RAPGEF6: variants seen among roughly 807,000 people sequenced by gnomAD.
RAPGEF6 encodes the protein PDZ domain containing guanine nucleotide exchange factor (GEF) 2.
Under a neutral mutation model 171.4 loss-of-function variants are expected in RAPGEF6, and 56 were observed. The ratio of observed to expected loss-of-function variants is 0.33; its 90% CI spans 0.26 to 0.41. The LOEUF (loss-of-function observed/expected upper bound fraction) is 0.41. Among genes scored for constraint, RAPGEF6 ranks in the 10% least tolerant of loss-of-function variants. The probability of loss-of-function intolerance (pLI) is 1.00; values close to 1 mark genes in which losing one functional copy is unlikely to be tolerated. For synonymous variants in RAPGEF6, 692 were observed against 650.1 expected, an observed-to-expected ratio of 1.06 and a Z score of -0.98; for missense variants, 1,674 against 1,921.4, an observed-to-expected ratio of 0.87 and a Z score of 2.41.
chr5:131,635,178 G>A lies in RAPGEF6; in HGVS notation c.-148C>T. 1.3e-6 allele frequency: 1 copy of A among 796,780 alleles called. No individual in the cohort carries two copies. The highest frequency in any genetic ancestry group is 1.9e-6 in the Non-Finnish European group (1 of 522,010). 49.4% of individuals were successfully genotyped at this position (796,780 alleles called of 1,614,324 possible). A position where few individuals can be genotyped will look rare whatever the true frequency, so the allele number is the denominator to read the frequency against. On this transcript the variant is annotated 5_prime_UTR_variant, in exon 1 of 28. Coordinates refer to ENST00000509018, the MANE Select transcript of RAPGEF6 (RefSeq NM_016340.6). Reference sequence around the variant, plus strand: ...TCCGAACTCTAGCAAACAACCCTTCGCAACGCCCGCCTAAGGCCTCTACCC... The same window carrying A: ...TCCGAACTCTAGCAAACAACCCTTCACAACGCCCGCCTAAGGCCTCTACCC...
chr5:131,453,194 A>G lies in RAPGEF6; in HGVS notation c.3077-17T>C. The stretch of plus-strand genomic sequence containing the variant: ...AGTCATTTCCTATAGAATGAAAATA[A>G]ATGTTTAAGTTCAAAATTAAATTAT... On this transcript the variant is annotated splice_polypyrimidine_tract_variant and intron_variant, in intron 20 of 27. Transcript: ENST00000509018. 2 of 1,582,480 alleles carry G rather than the reference A, an allele frequency of 1.3e-6. No individual in the cohort carries two copies. Among genetic ancestry groups the G allele is most frequent in the Non-Finnish European group, 1.7e-6 (2 of 1,160,976 alleles).
chr5:131,529,429 T>C (rs572662609), intron 6 of RAPGEF6, among the ~76,000 whole-genome samples: 2 of 151,390 alleles, frequency 1.3e-5, no homozygotes, highest in Admixed American at 6.6e-5. Flanking sequence ...TGAGCGGAGA[T>C]TGCACCACTG....
chr5:131,579,047 G>A (rs1271040944), intron 4 of RAPGEF6, among the ~76,000 whole-genome samples: 5 of 152,144 alleles, frequency 3.3e-5, no homozygotes, highest in East Asian at 3.8e-4. Context: ...TCTGATGTTC[G>A]GACGTGTTTG....
At chr5:131,453,640 C>T (rs1434826386) in intron 20 of RAPGEF6, among the ~76,000 whole-genome samples, 1 of 152,114 alleles carries the variant, frequency 6.6e-6, no homozygotes, top group African/African-American at 2.4e-5. Flanking sequence ...AAACAAAGGG[C>T]AACCTGTTTA....
At chr5:131,448,030 A>G (rs1331664628) in intron 21 of RAPGEF6, among the ~76,000 whole-genome samples, 1 of 152,200 alleles carries the variant, frequency 6.6e-6, no homozygotes, top group Admixed American at 6.5e-5. Context: ...AAGTTCAAGA[A>G]CATTCCCAAA....
chr5:131,511,509 G>C (rs568503879), intron 7 of RAPGEF6, among the ~76,000 whole-genome samples: 15 of 113,132 alleles, frequency 1.3e-4, no homozygotes, highest in African/African-American at 4.9e-4. Flanking sequence ...TTTTTTTTGA[G>C]ACAGGTTCTC....
intron 4 of RAPGEF6, among the ~76,000 whole-genome samples, chr5:131,587,487 T>G (rs1290933365): frequency 6.6e-6 from 1 of 152,206 alleles, no homozygotes; most frequent in African/African-American, 2.4e-5. Flanking sequence ...GGGTAGTGAT[T>G]AGACAAACAT....
intron 4 of RAPGEF6, among the ~76,000 whole-genome samples, chr5:131,590,334 T>C (rs1307656978): frequency 6.6e-6 from 1 of 152,160 alleles, no homozygotes; most frequent in Non-Finnish European, 1.5e-5. Context: ...AAGGCGCAGG[T>C]TGCAGTGAGC....
At position 131,635,061 on chromosome 5, in the gene RAPGEF6, C is replaced by T. The variant is rs769069806; in HGVS notation, c.-31G>A. On this transcript the variant is annotated 5_prime_UTR_variant, in exon 1 of 28. Coordinates refer to ENST00000509018, the MANE Select transcript of RAPGEF6 (RefSeq NM_016340.6). ...CGGCCCGGGTACTCCGCAGCCTGCC[C>T]TTAGCAGCCCACGCCACAGTTCATT... 3 of 1,584,272 alleles carry T rather than the reference C, an allele frequency of 1.9e-6. No homozygotes were observed. The highest frequency in any genetic ancestry group is 8.6e-7 in the Non-Finnish European group (1 of 1,161,046).
chr5:131,455,688 T>C (rs1004338383), intron 20 of RAPGEF6, 113 bp downstream of exon 20: 4 of 835,156 alleles, frequency 4.8e-6, no homozygotes, highest in African/African-American at 1.7e-5. Context: ...AATGGTAAAA[T>C]AGTGTATAGT....
intron 14 of RAPGEF6, among the ~76,000 whole-genome samples, chr5:131,491,757 G>A (rs533357358): frequency 6.6e-6 from 1 of 152,268 alleles, no homozygotes; most frequent in Admixed American, 6.5e-5. Context: ...ATGACCTGAG[G>A]TGGATCAGTT....
chr5:131,452,133 T>C (rs1339696320), intron 21 of RAPGEF6, among the ~76,000 whole-genome samples: 1 of 150,816 alleles, frequency 6.6e-6, no homozygotes, highest in Non-Finnish European at 1.5e-5. Context: ...GGCAGGAGAA[T>C]GGCGTGAACC....
At chr5:131,479,859 T>C (rs1755351358) in intron 15 of RAPGEF6, 106 bp from the exon 16 acceptor site, 2 of 1,187,204 alleles carry the variant, frequency 1.7e-6, no homozygotes, top group African/African-American at 1.5e-5. Context: ...TTATTTGAAC[T>C]TTCTCAGTCT....
intron 7 of RAPGEF6, among the ~76,000 whole-genome samples, chr5:131,512,566 T>A (rs768328460): frequency 1.3e-5 from 2 of 152,144 alleles, no homozygotes; most frequent in Non-Finnish European, 2.9e-5. Context: ...TAAGACCATG[T>A]CTTATACTTC....
intron 1 of RAPGEF6, among the ~76,000 whole-genome samples, chr5:131,616,296 G>A (rs1389905386): frequency 2.6e-5 from 4 of 152,150 alleles, no homozygotes; most frequent in African/African-American, 9.7e-5. Flanking sequence ...ATTCATTGCA[G>A]GTATATTCTG....
Position 131,461,687 on chromosome 5 carries a change from C to T in RAPGEF6, c.2864+18G>A, listed in dbSNP as rs763828506. ...GACAAAACCATACAGACATTTGTAC[C>T]TATTTGTACCAACTTACCTTATTAT... On this transcript the variant is annotated intron_variant, in intron 19 of 27. Coordinates refer to ENST00000509018, the MANE Select transcript of RAPGEF6 (RefSeq NM_016340.6). 8 of 1,576,120 alleles carry T rather than the reference C, an allele frequency of 5.1e-6. No individual in the cohort carries two copies. Among genetic ancestry groups the T allele is most frequent in the African/African-American group, 1.4e-5 (1 of 73,988 alleles).
chr5:131,495,746 T>A, intron 12 of RAPGEF6, 86 bp from the exon 13 acceptor site: 1 of 1,489,380 alleles, frequency 6.7e-7, no homozygotes, highest in Non-Finnish European at 9.0e-7. Context: ...CTAAAACTCA[T>A]GAAGAACTGA....
intron 4 of RAPGEF6, among the ~76,000 whole-genome samples, chr5:131,570,625 T>C (rs1762220420): frequency 6.6e-6 from 1 of 152,178 alleles, no homozygotes; most frequent in Non-Finnish European, 1.5e-5. Flanking sequence ...CATGCTAGAA[T>C]TGATATGTGC....
At chr5:131,438,337 C>T (rs1752157059) in intron 24 of RAPGEF6, among the ~76,000 whole-genome samples, 1 of 152,136 alleles carries the variant, frequency 6.6e-6, no homozygotes, top group Admixed American at 6.5e-5. Flanking sequence ...GACAGAATCA[C>T]GGTTCAAACT....
Sources: gnomAD v4.1 joint callset for allele counts (sites outside exome capture counted in the v4.1 genomes callset) on GRCh38, gnomAD v4.1.1 for gene constraint, MANE v1.5 for transcripts, NCBI Gene and HGNC (gene_info 2026-07-23, HGNC 2026-07-21) for gene names.